Variants in MRC2 observed in about 807,000 individuals in gnomAD.
The protein encoded by MRC2 is mannose receptor C-type 2, also known as C-type mannose receptor 2.
MRC2 carries 84 observed loss-of-function variants against 206.2 expected under a neutral mutation model. The observed-to-expected ratio is 0.41, with a 90% confidence interval of 0.34 to 0.49. The LOEUF (loss-of-function observed/expected upper bound fraction) is 0.49, where lower values mean the gene tolerates loss of function less well. Ranked by LOEUF, MRC2 falls within the 20% of genes least tolerant of loss-of-function variation. The probability of loss-of-function intolerance (pLI) is 0.31; values close to 1 mark genes in which losing one functional copy is unlikely to be tolerated. For synonymous variants in MRC2, 798 were observed against 800.0 expected, an observed-to-expected ratio of 1.00 and a Z score of 0.04; for missense variants, 1,676 against 2,001.5, an observed-to-expected ratio of 0.84 and a Z score of 3.10.
rs192955598 is a variant in MRC2, at chr17:62,664,255, G to A, written c.119-293G>A. Among the ~76,000 whole-genome samples the A allele has an allele frequency of 3.3e-5, 5 of 152,296 alleles. No homozygotes were observed. Among genetic ancestry groups the A allele is most frequent in the East Asian group, 1.9e-4 (1 of 5,172 alleles). Reference sequence around the variant, plus strand: ...ATTACAGGCGTGAGCCACCGCGCCCGGCCTGGGTTTGCTTTTGAGGGTGGT... The same window carrying A: ...ATTACAGGCGTGAGCCACCGCGCCCAGCCTGGGTTTGCTTTTGAGGGTGGT... On this transcript the variant is annotated intron_variant, in intron 1 of 29. Transcript: ENST00000303375. This position sits in a 1 kb window ranked among gnomAD's most constrained non-coding sequence, Gnocchi z 4.7.
At position 62,677,288 on chromosome 17, in the gene MRC2, C is replaced by T. The variant is rs748842604; in HGVS notation, c.1854C>T (p.Cys618=). The T allele has an allele frequency of 9.4e-6, 15 of 1,603,324 alleles. No individual in the cohort carries two copies. Among genetic ancestry groups the T allele is most frequent in the South Asian group, 2.2e-5 (2 of 89,350 alleles). Residue 618 remains cysteine (C), a synonymous_variant, in exon 12 of 30, where the codon TGC becomes TGT. Coordinates refer to ENST00000303375, the MANE Select transcript of MRC2 (RefSeq NM_006039.5). ...RDQPGYSRGG[C]VALATGSAMG... is the part of the protein sequence containing the mutation. ...CTTCAGGGTACAGCCGTGGGGGCTG[C>T]GTGGCGCTGGCCACTGGCAGCGCCA...
Position 62,676,334 on chromosome 17 carries a change from G to A in MRC2, c.1686-49G>A, listed in dbSNP as rs781316259. Reference sequence around the variant, plus strand: ...GTAGGGCGTCTGGCCTGTGACTGGGGGATTGGGAAGCAGGGAGATCCCTGC... The same window carrying A: ...GTAGGGCGTCTGGCCTGTGACTGGGAGATTGGGAAGCAGGGAGATCCCTGC... On this transcript the variant is annotated intron_variant, in intron 10 of 29. Coordinates refer to ENST00000303375, the MANE Select transcript of MRC2 (RefSeq NM_006039.5). The A allele has an allele frequency of 2.5e-6, 4 of 1,606,758 alleles. No homozygotes were observed. In the South Asian group the frequency reaches 4.4e-5, roughly 18 times the overall value.
chr17:62,661,283 G>A (rs2088676080), intron 1 of MRC2, among the ~76,000 whole-genome samples: 2 of 152,174 alleles, frequency 1.3e-5, no homozygotes, highest in Admixed American at 1.3e-4. Context: ...ATTCAAGCAG[G>A]AGGAAGACTT....
In MRC2 at chr17:62,667,813, A is replaced by G. The variant is rs1247984491; in HGVS notation, c.1117+280A>G. Among the ~76,000 whole-genome samples, 1 of 152,232 alleles carries G rather than the reference A, an allele frequency of 6.6e-6. No individual in the cohort carries two copies. The highest frequency in any genetic ancestry group is 1.5e-5 in the Non-Finnish European group (1 of 68,034). On this transcript the variant is annotated intron_variant, in intron 6 of 29. Transcript: ENST00000303375. The surrounding 1 kb of genome is among the most constrained non-coding windows in gnomAD (Gnocchi z 4.1). Reference sequence around the variant, plus strand: ...TCTGCTGGAGGTGACAGACATCTCAATGCAGTTAGACTATCCCAGGTCATG... The same window carrying G: ...TCTGCTGGAGGTGACAGACATCTCAGTGCAGTTAGACTATCCCAGGTCATG...
chr17:62,689,760 G>C lies in MRC2; in HGVS notation c.3573G>C (p.Glu1191Asp), dbSNP rs1275203400. The C allele has an allele frequency of 3.2e-6, 5 of 1,542,388 alleles. No homozygotes were observed. The highest frequency in any genetic ancestry group is 4.4e-6 in the Non-Finnish European group (5 of 1,144,266). Reference sequence around the variant, plus strand: ...TCTGGATTGGGCTGGCTGGCGAGGAGGTGGGCTCCCGACACTTTTGCCCTG... The same window carrying C: ...TCTGGATTGGGCTGGCTGGCGAGGACGTGGGCTCCCGACACTTTTGCCCTG... ...TPLWIGLAGEEGSRRYSWVSE... is the reference protein window; with the variant it reads ...TPLWIGLAGEDGSRRYSWVSE... The change falls in exon 24 of 30, where the codon GAG becomes GAC. Residue 1191 changes from glutamate to aspartate, a missense_variant and splice_region_variant. Physicochemically the swap from Glu to Asp is conservative, Grantham distance 45 (BLOSUM62 2). This residue lies in a region of MRC2 where 1,354 missense variants were observed against 1,636.6 expected (regional missense o/e 0.83). Transcript: ENST00000303375.
At chr17:62,665,411 CA>C (rs2088739167) in intron 2 of MRC2, among the ~76,000 whole-genome samples, 2 of 110,612 alleles carry the variant, frequency 1.8e-5, no homozygotes, top group South Asian at 3.0e-4. Context: ...TCCCCCCCCC[CA>C]CAAAAAAAAA....
At position 62,641,116 on chromosome 17, in the gene MRC2, C is replaced by A. The variant is rs551260708; in HGVS notation, c.118+13196C>A. 5.9e-5 allele frequency among the ~76,000 whole-genome samples: 9 copies of A among 151,624 alleles called. No individual in the cohort carries two copies. In the South Asian group the frequency reaches 1.9e-3, roughly 32 times the overall value. The stretch of plus-strand genomic sequence containing the variant: ...TCAGCCTCTCAAAGTGCTGGAGTTA[C>A]AGGCATAAGTCACTGTGCCTGGCCT... On this transcript the variant is annotated intron_variant, in intron 1 of 29. Transcript: ENST00000303375.
intron 20 of MRC2, among the ~76,000 whole-genome samples, chr17:62,687,003 T>C (rs1259516093): frequency 6.6e-6 from 1 of 152,188 alleles, no homozygotes; most frequent in African/African-American, 2.4e-5. Flanking sequence ...TGTACTGTTA[T>C]CTTTAATCCT....
Position 62,652,767 on chromosome 17 carries a change from TG to T in MRC2, c.119-11774del, listed in dbSNP as rs1287426022. On this transcript the variant is annotated intron_variant, in intron 1 of 29. Transcript: ENST00000303375. The surrounding 1 kb of genome is among the most constrained non-coding windows in gnomAD (Gnocchi z 4.6). ...CGGTGACAGAGGAAGTGGCGCCGCT[TG>T]GGGGGGTGCACGATGGCAGGGGGAG... is the stretch of plus-strand genomic sequence containing the variant. Among the ~76,000 whole-genome samples, 4 of 48,922 alleles carry T rather than the reference TG, an allele frequency of 8.2e-5. No homozygotes were observed. Among genetic ancestry groups the T allele is most frequent in the Non-Finnish European group, 7.7e-5 (2 of 26,114 alleles). 32.1% of individuals were successfully genotyped at this position (48,922 alleles called of 152,430 possible). A position where few individuals can be genotyped will look rare whatever the true frequency, so the allele number is the denominator to read the frequency against.
chr17:62,671,703 G>A lies in MRC2; in HGVS notation c.1172G>A (p.Gly391Asp). 1 of 1,611,062 alleles carries A rather than the reference G, an allele frequency of 6.2e-7. No homozygotes were observed. Among genetic ancestry groups the A allele is most frequent in the Non-Finnish European group, 8.5e-7 (1 of 1,178,472 alleles). ...GAGCCGAGCTGGCAGCCCTTCCAGG[G>A]CCACTGCTACCGCCTGCAGGCCGAG... The part of the protein sequence containing the change: ...ECEPSWQPFQ[G>D]HCYRLQAEKR... The change falls in exon 7 of 30, where the codon GGC becomes GAC. Residue 391 changes from glycine to aspartate, a missense_variant. Around this residue, in one of 3 missense-constraint regions of MRC2, gnomAD observed 1,354 missense variants for 1,636.6 expected, o/e 0.83. Transcript: ENST00000303375. The surrounding 1 kb of genome is among the most constrained non-coding windows in gnomAD (Gnocchi z 4.5).
chr17:62,678,956 T>C (rs1490770393), intron 13 of MRC2, among the ~76,000 whole-genome samples: 4 of 151,212 alleles, frequency 2.6e-5, no homozygotes, highest in African/African-American at 7.3e-5. Flanking sequence ...CCCCACCCCA[T>C]TGCAAAATCT....
intron 18 of MRC2, chr17:62,681,535 G>A (rs2088966528): frequency 4.4e-6 from 2 of 458,612 alleles, no homozygotes; most frequent in African/African-American, 4.0e-5. Flanking sequence ...GAAGGACCAG[G>A]AGCACCTGGG....
intron 1 of MRC2, among the ~76,000 whole-genome samples, chr17:62,633,741 T>A: frequency 7.1e-6 from 1 of 140,740 alleles, no homozygotes; most frequent in Admixed American, 7.6e-5. Flanking sequence ...CTGGGCAGGC[T>A]GAGATGGGAG....
chr17:62,688,150 G>C (rs2089054953), intron 20 of MRC2, 139 bp from the exon 21 acceptor site: 3 of 681,338 alleles, frequency 4.4e-6, no homozygotes, highest in Admixed American at 2.7e-5. Flanking sequence ...AGACCCAGCT[G>C]TCCTGGTTCT....
intron 2 of MRC2, among the ~76,000 whole-genome samples, chr17:62,665,716 C>T (rs2088744159): frequency 6.6e-6 from 1 of 152,142 alleles, no homozygotes; most frequent in Non-Finnish European, 1.5e-5. Context: ...GGGAGACCCC[C>T]TGAGTTCCGA....
intron 13 of MRC2, 96 bp from the exon 14 acceptor site, chr17:62,679,704 G>GCC (rs1184380418): frequency 1.7e-5 from 20 of 1,198,110 alleles, no homozygotes; most frequent in Non-Finnish European, 2.4e-5. Context: ...CCTGGGGGCT[G>GCC]CCCCGGTCAC....
At chr17:62,641,315 GA>G (rs536367162) in intron 1 of MRC2, among the ~76,000 whole-genome samples, 98 of 84,390 alleles carry the variant, frequency 1.2e-3, no homozygotes, top group East Asian at 5.5e-3. Flanking sequence ...GACTGTCTCA[GA>G]AAAAAAAAAA....
chr17:62,691,339 C>T (rs780812585), intron 28 of MRC2, among the ~76,000 whole-genome samples: 2 of 152,208 alleles, frequency 1.3e-5, no homozygotes, highest in African/African-American at 4.8e-5. Context: ...CCACAAGGCT[C>T]GGGGGTCAGC....
chr17:62,689,454 TG>T, intron 23 of MRC2, 67 bp from the exon 24 acceptor site: 2 of 1,117,706 alleles, frequency 1.8e-6, no homozygotes, highest in Non-Finnish European at 2.5e-6. Context: ...GGCCTTCTCC[TG>T]GCCTTGTGCC....
Sources: allele counts gnomAD v4.1 joint callset (sites outside exome capture counted in the v4.1 genomes callset), GRCh38; gene constraint gnomAD v4.1.1; regional missense constraint gnomAD v4.1.1; non-coding constraint Gnocchi (gnomAD v3.1); transcripts MANE v1.5; gene names NCBI Gene and HGNC (gene_info 2026-07-23, HGNC 2026-07-21).